The following RSF1 variants were observed in gnomAD, a reference collection of about 807,000 sequenced individuals.
The protein encoded by RSF1 is remodeling and spacing factor 1, also known as HBV pX-associated protein 8.
Under a neutral mutation model 145.2 loss-of-function variants are expected in RSF1, and 13 were observed. The ratio of observed to expected loss-of-function variants is 0.09; its 90% CI spans 0.06 to 0.14. RSF1 has a LOEUF of 0.14. Ranked by LOEUF, RSF1 falls within the 10% of genes least tolerant of loss-of-function variation. RSF1 has a pLI of 1.00. For synonymous variants in RSF1, 577 were observed against 592.6 expected, an observed-to-expected ratio of 0.97 and a Z score of 0.38; for missense variants, 1,517 against 1,718.2, an observed-to-expected ratio of 0.88 and a Z score of 2.07.
At chr11:77,693,287 C>T (rs1403301234) in intron 8 of RSF1, among the ~76,000 whole-genome samples, 1 of 151,930 alleles carries the variant, frequency 6.6e-6, no homozygotes, top group Non-Finnish European at 1.5e-5. Flanking sequence ...AAAAATCATT[C>T]ATAATTTTAC....
At chr11:77,671,947 T>G in intron 15 of RSF1, 95 bp downstream of exon 15, 1 of 1,205,342 alleles carries the variant, frequency 8.3e-7, no homozygotes, top group South Asian at 1.8e-5. Flanking sequence ...TTATATGAGT[T>G]TCAAAGAATG....
chr11:77,702,555 G>T, intron 5 of RSF1, 60 bp from the exon 6 acceptor site: 2 of 1,142,070 alleles, frequency 1.8e-6, no homozygotes, highest in South Asian at 1.9e-5. Context: ...TAAAATATAA[G>T]ACTTAGTATA....
At chr11:77,859,219 G>T in the RSF1 span, among the ~76,000 whole-genome samples, 1 of 152,174 alleles carries the variant, frequency 6.6e-6, no homozygotes. Context: ...TCCCAGAGGG[G>T]ATTACCCCAT....
intron 4 of RSF1, among the ~76,000 whole-genome samples, chr11:77,729,707 T>G (rs1961150000): frequency 6.6e-6 from 1 of 151,928 alleles, no homozygotes; most frequent in African/African-American, 2.4e-5. Flanking sequence ...CTCTGTATTA[T>G]GTAATATCTC....
At chr11:77,866,441 A>G in the RSF1 span, 1 of 152,214 alleles carries the variant, frequency 6.6e-6, no homozygotes, top group Non-Finnish European at 1.5e-5. Context: ...TGCCTCAATA[A>G]TAGTCTCAAG....
intron 2 of RSF1, among the ~76,000 whole-genome samples, chr11:77,747,809 T>C (rs1948017661): frequency 6.6e-6 from 1 of 152,224 alleles, no homozygotes; most frequent in Non-Finnish European, 1.5e-5. Context: ...TAAGGGAGGT[T>C]AACACAGTGA....
chr11:77,732,561 C>A (rs1392788356), intron 4 of RSF1, among the ~76,000 whole-genome samples: 1 of 152,190 alleles, frequency 6.6e-6, no homozygotes, highest in Admixed American at 6.5e-5. Context: ...CCACAATTCC[C>A]ATCTGCTGTG....
At chr11:77,687,046 A>G (rs1046919261) in intron 9 of RSF1, among the ~76,000 whole-genome samples, 6 of 152,228 alleles carry the variant, frequency 3.9e-5, no homozygotes, top group Admixed American at 1.3e-4. Context: ...AGATTTTTAA[A>G]AAGTGAATAT....
chr11:77,764,864 G>T (rs555683345), intron 1 of RSF1, among the ~76,000 whole-genome samples, 175 bp from the exon 2 acceptor site: 1 of 152,176 alleles, frequency 6.6e-6, no homozygotes, highest in Admixed American at 6.5e-5. Context: ...AGCAAGAAAT[G>T]ACCAAAAACC....
chr11:77,759,735 T>C (rs1022891809), intron 2 of RSF1, among the ~76,000 whole-genome samples: 2 of 152,108 alleles, frequency 1.3e-5, no homozygotes, highest in Non-Finnish European at 2.9e-5. Context: ...TAAGCATTCA[T>C]GCTCTATCAG....
chr11:77,717,792 A>C (rs1028872311), intron 5 of RSF1: 20 of 152,228 alleles, frequency 1.3e-4, no homozygotes, highest in African/African-American at 4.8e-4. Flanking sequence ...AGTCATATTA[A>C]AATTCTCATC....
intron 1 of RSF1, among the ~76,000 whole-genome samples, chr11:77,804,197 C>T (rs1948654857): frequency 6.6e-6 from 1 of 152,214 alleles, no homozygotes; most frequent in African/African-American, 2.4e-5. Flanking sequence ...AGGACCCTTC[C>T]AGACCTTGCC....
intron 1 of RSF1, among the ~76,000 whole-genome samples, chr11:77,770,065 C>A (rs1444149435): frequency 1.3e-5 from 2 of 152,166 alleles, no homozygotes; most frequent in Non-Finnish European, 1.5e-5. Context: ...TATTCATATA[C>A]CTTATCTTTA....
Position 77,729,607 on chromosome 11 carries a change from T to G in RSF1, c.579-3908A>C, listed in dbSNP as rs113203422. The stretch of plus-strand genomic sequence containing the variant: ...CCCCAACCCCACAAAAAAAAAAAAG[T>G]CAAGTATAGGCATTATCTTCTGCCA... On this transcript the variant is annotated intron_variant, in intron 4 of 15. Transcript: ENST00000308488. 5.2e-3 allele frequency among the ~76,000 whole-genome samples: 760 copies of G among 144,932 alleles called. 8 individuals are homozygous for G. The highest frequency in any genetic ancestry group is 0.019 in the African/African-American group (723 of 39,040).
intron 4 of RSF1, among the ~76,000 whole-genome samples, chr11:77,736,620 T>TGACAAA (rs1171213785): frequency 3.3e-5 from 5 of 152,220 alleles, no homozygotes; most frequent in African/African-American, 1.2e-4. Context: ...TTTACTATAT[T>TGACAAA]TGTCAGTAAG....
At chr11:77,770,336 C>A (rs1411001027) in intron 1 of RSF1, among the ~76,000 whole-genome samples, 1 of 152,108 alleles carries the variant, frequency 6.6e-6, no homozygotes, top group African/African-American at 2.4e-5. Flanking sequence ...GTGGCGTGCA[C>A]CTGTAGTCCC....
intron 1 of RSF1, among the ~76,000 whole-genome samples, chr11:77,814,664 T>G (rs1948765186): frequency 6.6e-6 from 1 of 152,148 alleles, no homozygotes; most frequent in African/African-American, 2.4e-5. Flanking sequence ...CAGGCTGGTC[T>G]CAAACTCCTG....
the RSF1 span, chr11:77,850,555 A>G: frequency 6.6e-6 from 1 of 152,196 alleles, no homozygotes; most frequent in Non-Finnish European, 1.5e-5. Flanking sequence ...GTATAAAAAT[A>G]TAAGTATAAA....
At chr11:77,834,450 T>TG in the RSF1 span, among the ~76,000 whole-genome samples, 3 of 148,570 alleles carry the variant, frequency 2.0e-5, no homozygotes, top group African/African-American at 7.4e-5. Flanking sequence ...TGTTTTTTTT[T>TG]TTTTTTTTTT....
Sources: allele counts gnomAD v4.1 joint callset (sites outside exome capture counted in the v4.1 genomes callset), GRCh38; gene constraint gnomAD v4.1.1; transcripts MANE v1.5; gene names NCBI Gene and HGNC (gene_info 2026-07-23, HGNC 2026-07-21).